The following ELAPOR1 variants were observed in gnomAD, a reference collection of about 807,000 sequenced individuals.
ELAPOR1 encodes endosome-lysosome associated apoptosis and autophagy regulator 1.
In ELAPOR1, 77 loss-of-function variants were observed where a neutral mutation model predicts 119.7. That is an observed-to-expected ratio of 0.64 (90% CI 0.54 to 0.78). The LOEUF (loss-of-function observed/expected upper bound fraction) is 0.78. ELAPOR1 is among the 30% of genes least tolerant of loss of function. ELAPOR1 has a pLI of 0.00. For missense variants in ELAPOR1, 1,115 were observed against 1,270.4 expected, an observed-to-expected ratio of 0.88 and a Z score of 1.86; for synonymous variants, 481 against 487.2, an observed-to-expected ratio of 0.99 and a Z score of 0.17.
intron 1 of ELAPOR1, among the ~76,000 whole-genome samples, chr1:109,161,254 A>G (rs1163676621): frequency 6.6e-6 from 1 of 151,838 alleles, no homozygotes; most frequent in Non-Finnish European, 1.5e-5. Context: ...TACTAAAAAT[A>G]CAAAAATTAG....
At chr1:109,198,760 CA>C (rs1557703130) in intron 18 of ELAPOR1, 86 bp downstream of exon 18, 3 of 1,223,648 alleles carry the variant, frequency 2.5e-6, no homozygotes, top group Non-Finnish European at 2.3e-6. Flanking sequence ...TGAAAAAGAG[CA>C]AAAAAGAAAA....
chr1:109,176,397 A>G (rs911093768), intron 7 of ELAPOR1, among the ~76,000 whole-genome samples: 4 of 152,176 alleles, frequency 2.6e-5, no homozygotes, highest in Admixed American at 2.6e-4. Context: ...CACAGTTTAT[A>G]TGTAAACCCA....
chr1:109,159,296 G>C (rs1445993583), intron 1 of ELAPOR1, among the ~76,000 whole-genome samples: 1 of 152,264 alleles, frequency 6.6e-6, no homozygotes, highest in South Asian at 2.1e-4. Context: ...GTGGCATGAA[G>C]TAAATGAGCA....
chr1:109,138,468 A>T (rs1649617167), intron 1 of ELAPOR1, among the ~76,000 whole-genome samples: 1 of 152,072 alleles, frequency 6.6e-6, no homozygotes, highest in Non-Finnish European at 1.5e-5. Flanking sequence ...GAGCGCTCAT[A>T]TATCACAGGT....
At chr1:109,156,454 A>G (rs948717093) in intron 1 of ELAPOR1, among the ~76,000 whole-genome samples, 1 of 152,190 alleles carries the variant, frequency 6.6e-6, no homozygotes, top group Admixed American at 6.5e-5. Flanking sequence ...CTGTCTTACA[A>G]AATTGAAATG....
chr1:109,130,915 A>T (rs1351295454), intron 1 of ELAPOR1, among the ~76,000 whole-genome samples: 2 of 152,192 alleles, frequency 1.3e-5, no homozygotes, highest in Admixed American at 1.3e-4. Flanking sequence ...AGGCAGGAGG[A>T]TCACTTGTGC....
At chr1:109,149,046 A>G (rs575291911) in intron 1 of ELAPOR1, among the ~76,000 whole-genome samples, 25 of 152,278 alleles carry the variant, frequency 1.6e-4, no homozygotes, top group South Asian at 2.1e-4. Context: ...TTTCTCTTGG[A>G]GAGATTAGCT....
At chr1:109,178,130 C>A (rs1418201768) in intron 7 of ELAPOR1, among the ~76,000 whole-genome samples, 2 of 151,332 alleles carry the variant, frequency 1.3e-5, no homozygotes, top group African/African-American at 2.4e-5. Flanking sequence ...CTGCCTCAGC[C>A]TCCCGAGTAA....
intron 1 of ELAPOR1, among the ~76,000 whole-genome samples, chr1:109,142,480 G>A (rs1222244935): frequency 1.3e-5 from 2 of 152,348 alleles, no homozygotes; most frequent in African/African-American, 4.8e-5. Flanking sequence ...CAAGCTATCA[G>A]TGTCACTGAG....
chr1:109,157,957 G>T, intron 1 of ELAPOR1, among the ~76,000 whole-genome samples: 2 of 152,170 alleles, frequency 1.3e-5, no homozygotes, highest in South Asian at 4.2e-4. Flanking sequence ...GTACAATCAC[G>T]GCTCACTGCA....
chr1:109,148,370 C>T (rs1486680719), intron 1 of ELAPOR1, among the ~76,000 whole-genome samples: 4 of 151,720 alleles, frequency 2.6e-5, no homozygotes, highest in African/African-American at 9.7e-5. Context: ...AACTCCTGAC[C>T]TCAGGTGATC....
At chr1:109,201,006 C>T in intron 21 of ELAPOR1, 106 bp downstream of exon 21, 1 of 1,010,880 alleles carries the variant, frequency 9.9e-7, no homozygotes, top group Non-Finnish European at 1.4e-6. Context: ...GCACCCTGCT[C>T]CCCACGCCCG....
chr1:109,199,380 T>C (rs543319661), intron 18 of ELAPOR1, among the ~76,000 whole-genome samples: 3 of 152,296 alleles, frequency 2.0e-5, no homozygotes, highest in African/African-American at 7.2e-5. Flanking sequence ...TAGTGGTGTC[T>C]GAGTGTCAAA....
At chr1:109,171,785 G>C in intron 3 of ELAPOR1, 81 bp from the exon 4 acceptor site, 4 of 1,422,598 alleles carry the variant, frequency 2.8e-6, no homozygotes, top group Non-Finnish European at 3.9e-6. Flanking sequence ...CAAAGACCCA[G>C]CAGAACATGA....
At chr1:109,178,696 G>A (rs979653268) in intron 7 of ELAPOR1, among the ~76,000 whole-genome samples, 15 of 152,202 alleles carry the variant, frequency 9.9e-5, no homozygotes, top group South Asian at 4.1e-4. Flanking sequence ...CGGGTGTGGC[G>A]GCTCACGCCT....
intron 1 of ELAPOR1, among the ~76,000 whole-genome samples, chr1:109,129,196 T>A (rs1648983715): frequency 6.6e-6 from 1 of 152,106 alleles, no homozygotes; most frequent in South Asian, 2.1e-4. Flanking sequence ...GAAAGAGACA[T>A]AGAAGAATTA....
chr1:109,132,552 A>G (rs1454146276), intron 1 of ELAPOR1, among the ~76,000 whole-genome samples: 1 of 152,368 alleles, frequency 6.6e-6, no homozygotes, highest in South Asian at 2.1e-4. Flanking sequence ...AAAGAAAGGT[A>G]CATGGTGCAA....
chr1:109,140,602 C>G (rs1649769013), intron 1 of ELAPOR1, among the ~76,000 whole-genome samples: 1 of 152,110 alleles, frequency 6.6e-6, no homozygotes, highest in African/African-American at 2.4e-5. Flanking sequence ...TTGACTTCAT[C>G]AGTAGCAATG....
chr1:109,171,983 T>C lies in ELAPOR1; in HGVS notation c.585T>C (p.Tyr195=). The part of the protein sequence containing the change: ...QSGTVNFEYY[Y]PDSSIIFEFF... ...GCACCGTTAACTTCGAATACTACTATCCAGACTCCAGCATCATCTTTGAGT... is the reference window on the plus strand; with the variant it reads ...GCACCGTTAACTTCGAATACTACTACCCAGACTCCAGCATCATCTTTGAGT... The change falls in exon 4 of 22, where the codon TAT becomes TAC. Residue 195 remains tyrosine (Y), a synonymous_variant. Coordinates refer to ENST00000369939, the MANE Select transcript of ELAPOR1 (RefSeq NM_020775.5). 1 of 1,614,164 alleles carries C rather than the reference T, an allele frequency of 6.2e-7. No homozygotes were observed. The highest frequency in any genetic ancestry group is 8.5e-7 in the Non-Finnish European group (1 of 1,180,032).
Sources: allele counts gnomAD v4.1 joint callset (sites outside exome capture counted in the v4.1 genomes callset), GRCh38; gene constraint gnomAD v4.1.1; transcripts MANE v1.5; gene names NCBI Gene and HGNC (gene_info 2026-07-23, HGNC 2026-07-21).